TNFRSF19: variants seen among roughly 807,000 people sequenced by gnomAD.
The protein encoded by TNFRSF19 is TNF receptor superfamily member 19, also known as tumor necrosis factor receptor superfamily member 19.
A neutral mutation model predicts 46.4 loss-of-function variants in TNFRSF19; 27 were observed. The observed-to-expected ratio is 0.58, with a 90% confidence interval of 0.43 to 0.80. TNFRSF19 has a LOEUF of 0.80. Ranked by LOEUF, TNFRSF19 falls within the 30% of genes least tolerant of loss-of-function variation. The probability of loss-of-function intolerance (pLI) is 0.00; values close to 1 mark genes in which losing one functional copy is unlikely to be tolerated. For synonymous variants in TNFRSF19, 204 were observed against 205.0 expected (o/e 1.00, Z 0.04); for missense variants, 511 against 530.8 (o/e 0.96, Z 0.37).
intron 5 of TNFRSF19, among the ~76,000 whole-genome samples, chr13:23,627,792 C>T (rs888901848): frequency 2.0e-5 from 3 of 152,162 alleles, no homozygotes; most frequent in South Asian, 2.1e-4. Flanking sequence ...AAAGTTAGTG[C>T]GTCATTTGAT....
Position 23,660,236 on chromosome 13 carries a change from A to T in TNFRSF19, c.611-129A>T, listed in dbSNP as rs3751365. On this transcript the variant is annotated intron_variant, in intron 6 of 9. Coordinates refer to ENST00000248484, the MANE Select transcript of TNFRSF19 (RefSeq NM_148957.4). ...CAAATTATTTCATGTTTGTGCTTCC[A>T]TGTAAGAAGAAGTCATCAAACATTG... 427,926 of 914,940 alleles carry T rather than the reference A, an allele frequency of 0.47. 102,930 individuals carry two copies. The highest frequency in any genetic ancestry group is 0.52 in the South Asian group (28,593 of 54,646). 56.7% of individuals were successfully genotyped at this position (914,940 alleles called of 1,614,324 possible).
chr13:23,602,744 A>G (rs746190427), intron 3 of TNFRSF19, among the ~76,000 whole-genome samples: 1 of 152,134 alleles, frequency 6.6e-6, no homozygotes, highest in Non-Finnish European at 1.5e-5. Context: ...GAGATTAAGA[A>G]CACACTTCTA....
At chr13:23,582,356 G>A (rs1005702212) in intron 1 of TNFRSF19, among the ~76,000 whole-genome samples, 2 of 151,756 alleles carry the variant, frequency 1.3e-5, no homozygotes, top group African/African-American at 4.8e-5. Context: ...AGCTGAGATC[G>A]TGCCACTGCA....
At chr13:23,673,247 T>C (rs972231264) in intron 9 of TNFRSF19, 125 bp from the exon 10 acceptor site, 1 of 993,602 alleles carries the variant, frequency 1.0e-6, no homozygotes, top group Non-Finnish European at 1.4e-6. Context: ...CTTGTCCATA[T>C]GCTATTATTA....
chr13:23,667,568 C>T (rs1565955277), intron 7 of TNFRSF19, among the ~76,000 whole-genome samples: 1 of 152,178 alleles, frequency 6.6e-6, no homozygotes, highest in Non-Finnish European at 1.5e-5. Flanking sequence ...GTGAAATACA[C>T]ATAAGATAAA....
chr13:23,655,631 C>T (rs560812351), intron 5 of TNFRSF19, among the ~76,000 whole-genome samples: 12 of 152,224 alleles, frequency 7.9e-5, no homozygotes, highest in African/African-American at 2.9e-4. Flanking sequence ...AAAACAATAC[C>T]TTTTCCTTTA....
intron 5 of TNFRSF19, among the ~76,000 whole-genome samples, chr13:23,628,460 A>T (rs1882147401): frequency 2.0e-5 from 3 of 152,194 alleles, no homozygotes; most frequent in African/African-American, 7.2e-5. Context: ...TCTGTCAGGA[A>T]GGTGAGTTAA....
At chr13:23,635,878 A>T (rs1882644213) in intron 5 of TNFRSF19, among the ~76,000 whole-genome samples, 1 of 152,222 alleles carries the variant, frequency 6.6e-6, no homozygotes, top group South Asian at 2.1e-4. Context: ...ACTGAAATAT[A>T]ATGTATATAC....
chr13:23,671,486 G>A (rs1183061886), intron 9 of TNFRSF19, among the ~76,000 whole-genome samples: 1 of 146,122 alleles, frequency 6.8e-6, no homozygotes, highest in Non-Finnish European at 1.5e-5. Flanking sequence ...CATTTTACGA[G>A]ATAATCATTT....
chr13:23,576,678 AAT>A (rs1439260524), intron 1 of TNFRSF19, among the ~76,000 whole-genome samples: 2 of 152,316 alleles, frequency 1.3e-5, no homozygotes, highest in Admixed American at 6.5e-5. Context: ...TATTACTTAT[AAT>A]ATCTAATACA....
chr13:23,578,415 G>A (rs1878113435), intron 1 of TNFRSF19, among the ~76,000 whole-genome samples: 1 of 152,212 alleles, frequency 6.6e-6, no homozygotes, highest in African/African-American at 2.4e-5. Context: ...ACCTAGTATA[G>A]TGCTACGCCG....
intron 5 of TNFRSF19, among the ~76,000 whole-genome samples, chr13:23,631,556 T>A (rs1252441446): frequency 1.3e-5 from 2 of 152,254 alleles, no homozygotes; most frequent in Non-Finnish European, 2.9e-5. Context: ...ACGATGGATG[T>A]CCATGAGTGT....
intron 1 of TNFRSF19, among the ~76,000 whole-genome samples, chr13:23,588,546 A>G (rs912216226): frequency 1.3e-5 from 2 of 152,124 alleles, no homozygotes. Context: ...TTTGTCTCAT[A>G]TTTTGTGTAA....
chr13:23,598,189 A>G (rs1387973996), intron 3 of TNFRSF19, among the ~76,000 whole-genome samples: 2 of 152,120 alleles, frequency 1.3e-5, no homozygotes, highest in Non-Finnish European at 2.9e-5. Flanking sequence ...GAACAATGAG[A>G]ACACATGGAC....
At chr13:23,594,959 T>C (rs1171049663) in intron 3 of TNFRSF19, among the ~76,000 whole-genome samples, 1 of 152,152 alleles carries the variant, frequency 6.6e-6, no homozygotes, top group Non-Finnish European at 1.5e-5. Context: ...CTGCCAATGA[T>C]ACCCAGGCAA....
chr13:23,617,413 G>A (rs1450647383), intron 4 of TNFRSF19, among the ~76,000 whole-genome samples: 1 of 152,304 alleles, frequency 6.6e-6, no homozygotes, highest in Non-Finnish European at 1.5e-5. Context: ...AAGTAACTGT[G>A]GGATGGATTA....
At chr13:23,646,511 A>G (rs891130951) in intron 5 of TNFRSF19, among the ~76,000 whole-genome samples, 2 of 152,048 alleles carry the variant, frequency 1.3e-5, no homozygotes, top group African/African-American at 4.8e-5. Context: ...AATTCTAGGT[A>G]TCTCTTGTAA....
intron 4 of TNFRSF19, among the ~76,000 whole-genome samples, chr13:23,623,888 A>G (rs1881831433): frequency 6.6e-6 from 1 of 152,096 alleles, no homozygotes; most frequent in African/African-American, 2.4e-5. Context: ...CCTTTATCAG[A>G]CATATGATTT....
At chr13:23,621,017 T>G (rs1445313077) in intron 4 of TNFRSF19, among the ~76,000 whole-genome samples, 1 of 152,172 alleles carries the variant, frequency 6.6e-6, no homozygotes, top group Non-Finnish European at 1.5e-5. Context: ...GGAATTCACC[T>G]TGCAGCTCCT....
Sources: allele counts gnomAD v4.1 joint callset (sites outside exome capture counted in the v4.1 genomes callset), GRCh38; gene constraint gnomAD v4.1.1; transcripts MANE v1.5; gene names NCBI Gene and HGNC (gene_info 2026-07-23, HGNC 2026-07-21).